The following ATP11A variants were observed in gnomAD, a reference collection of about 807,000 sequenced individuals.
The protein encoded by ATP11A is phospholipid-transporting ATPase IH.
A neutral mutation model predicts 154.4 loss-of-function variants in ATP11A; 81 were observed. The ratio of observed to expected loss-of-function variants is 0.52; its 90% CI spans 0.44 to 0.63. The LOEUF (loss-of-function observed/expected upper bound fraction) is 0.63. Among genes scored for constraint, ATP11A ranks in the 30% least tolerant of loss-of-function variants. The pLI is 0.00. For missense variants in ATP11A, 1,316 were observed against 1,474.3 expected (o/e 0.89, Z 1.76); for synonymous variants, 623 against 585.9 (o/e 1.06, Z -0.91).
intron 1 of ATP11A, among the ~76,000 whole-genome samples, chr13:112,731,948 A>G: frequency 7.3e-6 from 1 of 136,820 alleles, no homozygotes; most frequent in African/African-American, 3.0e-5. Context: ...GGGGGGGGGC[A>G]GGTGGCCCAT....
chr13:112,707,734 C>A, intron 1 of ATP11A, among the ~76,000 whole-genome samples: 1 of 152,280 alleles, frequency 6.6e-6, no homozygotes, highest in East Asian at 1.9e-4. Context: ...AACCATTTCT[C>A]GATCAGATTG....
At chr13:112,797,090 G>A (rs555997864) in intron 2 of ATP11A, among the ~76,000 whole-genome samples, 42 of 152,138 alleles carry the variant, frequency 2.8e-4, no homozygotes, top group African/African-American at 9.4e-4. Context: ...GTGAAACCCC[G>A]TCTGTACTGA....
rs774245843 is a variant in ATP11A, at chr13:112,882,064, A to G, written c.*198A>G. The G allele has an allele frequency of 7.3e-6, 10 of 1,367,342 alleles. No individual in the cohort carries two copies. Among genetic ancestry groups the G allele is most frequent in the Admixed American group, 3.8e-5 (2 of 52,556 alleles). The allele number at this position is 1,367,342 out of a possible 1,614,324, so 84.7% of individuals were successfully genotyped here. On this transcript the variant is annotated 3_prime_UTR_variant, in exon 30 of 30. Transcript: ENST00000375645. The surrounding 1 kb of genome is among the most constrained non-coding windows in gnomAD (Gnocchi z 5.1). Reference sequence around the variant, plus strand: ...GGTCCCGTGTGGGAATGCTCGTGTGATGGATGGTCCTAAGCCTGTGGAGAC... The same window carrying G: ...GGTCCCGTGTGGGAATGCTCGTGTGGTGGATGGTCCTAAGCCTGTGGAGAC...
chr13:112,732,757 G>A (rs118162232), intron 1 of ATP11A, among the ~76,000 whole-genome samples: 2 of 152,056 alleles, frequency 1.3e-5, no homozygotes, highest in Admixed American at 1.3e-4. Flanking sequence ...GACTGCAGGC[G>A]CACGCCACCA....
intron 17 of ATP11A, among the ~76,000 whole-genome samples, chr13:112,850,211 C>T (rs1245365158): frequency 2.6e-5 from 4 of 152,122 alleles, no homozygotes; most frequent in African/African-American, 4.8e-5. Flanking sequence ...AGCATTCTGC[C>T]GGATTTTAAA....
At chr13:112,816,292 A>C (rs1181276982) in intron 6 of ATP11A, 81 bp downstream of exon 6, 1 of 1,571,694 alleles carries the variant, frequency 6.4e-7, no homozygotes, top group Non-Finnish European at 8.7e-7. Flanking sequence ...ACAGAAACTA[A>C]CATCCTGTTT....
At position 112,754,906 on chromosome 13, in the gene ATP11A, C is replaced by G. The variant is rs376094092; in HGVS notation, c.40-30229C>G. 6.6e-6 allele frequency among the ~76,000 whole-genome samples: 1 copy of G among 152,350 alleles called. No individual in the cohort carries two copies. Among genetic ancestry groups the G allele is most frequent in the Admixed American group, 6.5e-5 (1 of 15,308 alleles). ...GGCTTCCCCAGCCCTCCTAGACACC[C>G]TGCACTTGCCCCTCCCGAGCGCGTG... is the stretch of plus-strand genomic sequence containing the variant. On this transcript the variant is annotated intron_variant, in intron 1 of 29. Coordinates refer to ENST00000375645, the MANE Select transcript of ATP11A (RefSeq NM_015205.3). This position sits in a 1 kb window ranked among gnomAD's most constrained non-coding sequence, Gnocchi z 5.3.
At chr13:112,756,034 C>T (rs2139842516) in intron 1 of ATP11A, among the ~76,000 whole-genome samples, 1 of 152,334 alleles carries the variant, frequency 6.6e-6, no homozygotes, top group African/African-American at 2.4e-5. Context: ...AGAACCATTT[C>T]CGGTCACGGA....
At chr13:112,760,859 A>C (rs1363569703) in intron 1 of ATP11A, among the ~76,000 whole-genome samples, 1 of 152,238 alleles carries the variant, frequency 6.6e-6, no homozygotes, top group Non-Finnish European at 1.5e-5. Flanking sequence ...CCTTCAGTCC[A>C]CAGGACTTTT....
Position 112,713,132 on chromosome 13 carries a change from C to T in ATP11A, c.39+22677C>T, listed in dbSNP as rs376238658. Reference sequence around the variant, plus strand: ...ACATGGAGGGCTGGGCACGGTGGCTCACACCTGGAATCCCAGCACTTTGGG... The same window carrying T: ...ACATGGAGGGCTGGGCACGGTGGCTTACACCTGGAATCCCAGCACTTTGGG... On this transcript the variant is annotated intron_variant, in intron 1 of 29. Transcript: ENST00000375645. 2.8e-4 allele frequency among the ~76,000 whole-genome samples: 42 copies of T among 152,318 alleles called. No individual in the cohort carries two copies. In the East Asian group the frequency reaches 7.3e-3, roughly 27 times the overall value.
rs1229545452 is a variant in ATP11A, at chr13:112,785,044, TC to T, written c.40-89del. ...CTCAGCAGCAGGTACAGGTCTCCGT[TC>T]CGACGAACGTGCCTCAAGGCAACAC... On this transcript the variant is annotated intron_variant, in intron 1 of 29. Coordinates refer to ENST00000375645, the MANE Select transcript of ATP11A (RefSeq NM_015205.3). The surrounding 1 kb of genome is among the most constrained non-coding windows in gnomAD (Gnocchi z 4.8). The T allele has an allele frequency of 2.1e-5, 28 of 1,353,384 alleles. No individual in the cohort carries two copies. The East Asian group carries it at 4.5e-4, about 22-fold the overall frequency. The allele number at this position is 1,353,384 out of a possible 1,614,324, so 83.8% of individuals were successfully genotyped here.
rs1034617056 is a variant in ATP11A at position 112,785,530 on chromosome 13, G to C, written c.162+273G>C. 6.6e-6 allele frequency among the ~76,000 whole-genome samples: 1 copy of C among 152,060 alleles called. No individual in the cohort carries two copies. The highest frequency in any genetic ancestry group is 6.5e-5 in the Admixed American group (1 of 15,274). ...CGTGCCACAGAGGCAGTGCAGGTCT[G>C]AAGTCCAGGATCCAAACCCTACCCA... On this transcript the variant is annotated intron_variant, in intron 2 of 29. Transcript: ENST00000375645. This position sits in a 1 kb window ranked among gnomAD's most constrained non-coding sequence, Gnocchi z 4.8.
chr13:112,794,316 A>G (rs1158176813), intron 2 of ATP11A, among the ~76,000 whole-genome samples: 2 of 152,168 alleles, frequency 1.3e-5, no homozygotes, highest in African/African-American at 2.4e-5. Flanking sequence ...ACTGTCCACC[A>G]TTGTCAGCCT....
intron 1 of ATP11A, among the ~76,000 whole-genome samples, chr13:112,760,982 C>G (rs763745615): frequency 1.3e-5 from 2 of 152,134 alleles, no homozygotes; most frequent in Non-Finnish European, 2.9e-5. Context: ...CAGGAAAATT[C>G]CAGAAATAAA....
rs375570834 is a variant in ATP11A, at chr13:112,873,544, G to A, written c.3058-29G>A. The A allele has an allele frequency of 6.9e-5, 107 of 1,541,330 alleles. No homozygotes were observed. In the African/African-American group the frequency reaches 1.3e-3, roughly 18 times the overall value. On this transcript the variant is annotated intron_variant, in intron 26 of 29. Transcript: ENST00000375645. ...TCATTCTCACTGCTCAGATGACACC[G>A]TTAACTGCCCTTTTTTTTTTCCTTT...
In ATP11A at chr13:112,823,396, T is replaced by C; in HGVS notation, c.777T>C (p.Thr259=). The part of the protein sequence containing the change: ...LLLRGATLKN[T]EKIFGVAIYT... ...TTAGAGGAGCTACACTGAAGAACAC[T>C]GAGAAAATCTTTGGTAAATATTTAA... Residue 259 remains threonine (T), a synonymous_variant, in exon 9 of 30, where the codon ACT becomes ACC. Transcript: ENST00000375645. 6.2e-7 allele frequency: 1 copy of C among 1,612,000 alleles called. No individual in the cohort carries two copies. The highest frequency in any genetic ancestry group is 8.5e-7 in the Non-Finnish European group (1 of 1,178,290).
intron 1 of ATP11A, among the ~76,000 whole-genome samples, chr13:112,744,393 G>A (rs1357591915): frequency 1.3e-5 from 2 of 152,212 alleles, no homozygotes; most frequent in Non-Finnish European, 2.9e-5. Flanking sequence ...GTGATGGAGT[G>A]CAGTGTTCTG....
At chr13:112,880,982 G>A in intron 29 of ATP11A, 2 of 991,740 alleles carry the variant, frequency 2.0e-6, no homozygotes, top group Non-Finnish European at 2.4e-6. Context: ...CATCAGGAAG[G>A]ACCGTGCTTT....
chr13:112,701,706 G>A (rs9783533), intron 1 of ATP11A, among the ~76,000 whole-genome samples: 9,831 of 151,904 alleles, frequency 0.065, 1,140 homozygotes, highest in African/African-American at 0.23. Context: ...GGTGGCGGGC[G>A]CCTGTAGTCC....
Sources: gnomAD v4.1 joint callset for allele counts (sites outside exome capture counted in the v4.1 genomes callset) on GRCh38, gnomAD v4.1.1 for gene constraint, Gnocchi (gnomAD v3.1) non-coding constraint, MANE v1.5 for transcripts, NCBI Gene and HGNC (gene_info 2026-07-23, HGNC 2026-07-21) for gene names.